FILIP1: variants seen among roughly 807,000 people sequenced by gnomAD.
FILIP1 encodes filamin A interacting protein 1, also known as filamin-A-interacting protein 1.
FILIP1 carries 61 observed loss-of-function variants against 102.1 expected under a neutral mutation model. The observed-to-expected ratio is 0.60, with a 90% CI of 0.49 to 0.74. The LOEUF is 0.74. FILIP1 is among the 30% of genes least tolerant of loss of function. The probability of loss-of-function intolerance (pLI) is 0.00; values close to 1 mark genes in which losing one functional copy is unlikely to be tolerated. For missense variants in FILIP1, 1,314 were observed against 1,441.2 expected (o/e 0.91, Z 1.43); for synonymous variants, 491 against 526.9 (o/e 0.93, Z 0.93).
chr6:75,465,601 C>A, intron 1 of FILIP1: 1 of 416,648 alleles, frequency 2.4e-6, no homozygotes, highest in South Asian at 2.8e-5. Flanking sequence ...TCTCCATCCC[C>A]TCATTCGATT....
intron 1 of FILIP1, among the ~76,000 whole-genome samples, chr6:75,477,187 TC>T (rs934993193): frequency 4.6e-5 from 7 of 152,166 alleles, no homozygotes; most frequent in Admixed American, 3.3e-4. Flanking sequence ...GAAAAAGCAT[TC>T]TTGCATGATC....
chr6:75,335,010 G>A (rs998717944), intron 4 of FILIP1, among the ~76,000 whole-genome samples: 6 of 152,148 alleles, frequency 3.9e-5, no homozygotes, highest in Non-Finnish European at 7.4e-5. Flanking sequence ...ATTTGGGGAG[G>A]AAGAATGAAA....
At chr6:75,297,035 TTATACACAGCAGGGGAAAGAAAATATTCA>T (rs1772701239) in intron 6 of FILIP1, 1 of 152,110 alleles carries the variant, frequency 6.6e-6, no homozygotes, top group Non-Finnish European at 1.5e-5. Context: ...ATCACTGAGA[TTATACACAGCAGGGGAAAGAAAATATTCA>T]AACTTCAAAT....
chr6:75,414,726 G>T lies in FILIP1; in HGVS notation c.247C>A (p.Leu83Ile), dbSNP rs1459453040. ...LELSKEDLIQ[L>I]LSIMEGELQA... is the part of the protein sequence containing the mutation. ...AACTCCCCTTCCATTATACTGAGTA[G>T]TTGGATGAGGTCTTCTTTGGATAAC... The change falls in exon 2 of 6, where the codon CTA becomes ATA. Residue 83 changes from leucine (L) to isoleucine (I), a missense_variant. Physicochemically the swap from Leu to Ile is conservative, Grantham distance 5 (BLOSUM62 2). This residue lies in a region of FILIP1 where 494 missense variants were observed against 511.2 expected (regional missense o/e 0.97). Coordinates refer to ENST00000237172, the MANE Select transcript of FILIP1 (RefSeq NM_015687.5). 14 of 1,613,610 alleles carry T rather than the reference G, an allele frequency of 8.7e-6. No individual in the cohort carries two copies. Among genetic ancestry groups the T allele is most frequent in the Non-Finnish European group, 1.2e-5 (14 of 1,179,732 alleles).
At chr6:75,344,485 C>T (rs568960366) in intron 4 of FILIP1, among the ~76,000 whole-genome samples, 9 of 152,330 alleles carry the variant, frequency 5.9e-5, no homozygotes, top group African/African-American at 1.7e-4. Flanking sequence ...CAACACTGGG[C>T]CTACCAACTA....
At chr6:75,370,436 G>C (rs1223233845) in intron 2 of FILIP1, among the ~76,000 whole-genome samples, 1 of 152,084 alleles carries the variant, frequency 6.6e-6, no homozygotes, top group Non-Finnish European at 1.5e-5. Context: ...AAGTCAGAGA[G>C]GCATAAACTG....
chr6:75,388,960 G>A (rs1039195571), intron 2 of FILIP1, among the ~76,000 whole-genome samples: 2 of 152,186 alleles, frequency 1.3e-5, no homozygotes, highest in African/African-American at 2.4e-5. Context: ...GTTTTCAAAG[G>A]GAATGCTTCC....
chr6:75,448,677 C>T (rs1042707375), intron 1 of FILIP1, among the ~76,000 whole-genome samples: 1 of 152,066 alleles, frequency 6.6e-6, no homozygotes, highest in Non-Finnish European at 1.5e-5. Context: ...AAAAAGTGGG[C>T]TAAGGGCATG....
chr6:75,437,052 C>T (rs1778049418), intron 1 of FILIP1, among the ~76,000 whole-genome samples: 1 of 152,080 alleles, frequency 6.6e-6, no homozygotes, highest in Non-Finnish European at 1.5e-5. Context: ...TCTCACTTTT[C>T]CATGCAGACG....
At chr6:75,378,058 T>C (rs1033491766) in intron 2 of FILIP1, among the ~76,000 whole-genome samples, 4 of 152,236 alleles carry the variant, frequency 2.6e-5, no homozygotes, top group Non-Finnish European at 5.9e-5. Context: ...AGTCTTTCTT[T>C]ACATTATTTT....
chr6:75,474,480 C>T (rs1243535048), intron 1 of FILIP1, among the ~76,000 whole-genome samples: 1 of 152,158 alleles, frequency 6.6e-6, no homozygotes, highest in East Asian at 1.9e-4. Context: ...AGCCATATGT[C>T]AGACCCGACA....
chr6:75,296,249 C>G lies in FILIP1; in HGVS notation c.3494-299G>C, dbSNP rs577126592. The stretch of plus-strand genomic sequence containing the variant: ...GATAGTAATTACTATATACAAACCC[C>G]TTAATGAGAAACCAGACTATTTCCT... On this transcript the variant is annotated intron_variant, in intron 6 of 6. Coordinates refer to the FILIP1 transcript ENST00000393004. 1.8e-4 allele frequency among the ~76,000 whole-genome samples: 27 copies of G among 151,912 alleles called. No individual in the cohort carries two copies. The South Asian group carries it at 5.6e-3, about 32-fold the overall frequency.
chr6:75,452,395 G>A (rs1778664852), intron 1 of FILIP1, among the ~76,000 whole-genome samples: 1 of 152,040 alleles, frequency 6.6e-6, no homozygotes, highest in African/African-American at 2.4e-5. Flanking sequence ...TGCTGAGAAT[G>A]ATGGTTTCCA....
intron 1 of FILIP1, among the ~76,000 whole-genome samples, chr6:75,441,622 A>C (rs1177834051): frequency 6.8e-4 from 65 of 95,954 alleles, no homozygotes; most frequent in Middle Eastern, 8.8e-3. Context: ...GACCCCCCCG[A>C]CCTCCCTCCC....
intron 4 of FILIP1, among the ~76,000 whole-genome samples, chr6:75,344,489 C>T (rs1424196330): frequency 6.6e-6 from 1 of 152,218 alleles, no homozygotes; most frequent in Non-Finnish European, 1.5e-5. Flanking sequence ...ACTGGGCCTA[C>T]CAACTAAAAT....
intron 1 of FILIP1, among the ~76,000 whole-genome samples, chr6:75,456,762 G>C (rs1778845974): frequency 6.6e-6 from 1 of 152,100 alleles, no homozygotes; most frequent in Non-Finnish European, 1.5e-5. Flanking sequence ...GTTTCACCAT[G>C]TTGGCCAGGA....
downstream of FILIP1, among the ~76,000 whole-genome samples, chr6:75,304,955 TAGCTCACC>T (rs1266234675): frequency 6.6e-6 from 1 of 152,160 alleles, no homozygotes; most frequent in Non-Finnish European, 1.5e-5. Context: ...ATTCTCTCAA[TAGCTCACC>T]TGGGCATGGA....
At chr6:75,354,192 T>C (rs1255376018) in intron 3 of FILIP1, among the ~76,000 whole-genome samples, 1 of 152,220 alleles carries the variant, frequency 6.6e-6, no homozygotes, top group Non-Finnish European at 1.5e-5. Flanking sequence ...GCTAAGCAAT[T>C]TTCCAAAGAA....
chr6:75,325,502 A>C (rs1773811509), intron 4 of FILIP1, among the ~76,000 whole-genome samples: 1 of 152,210 alleles, frequency 6.6e-6, no homozygotes, highest in Middle Eastern at 3.2e-3. Context: ...CATCTGACAA[A>C]GGACTAATAT....
Sources: gnomAD v4.1 joint callset for allele counts (sites outside exome capture counted in the v4.1 genomes callset) on GRCh38, gnomAD v4.1.1 for gene constraint, gnomAD v4.1.1 regional missense constraint, MANE v1.5 for transcripts, NCBI Gene and HGNC (gene_info 2026-07-23, HGNC 2026-07-21) for gene names.